CNTN5: variants seen among roughly 807,000 people sequenced by gnomAD.
CNTN5 encodes the protein contactin-5.
In CNTN5, 77 loss-of-function variants were observed where a neutral mutation model predicts 129.1. The ratio of observed to expected loss-of-function variants is 0.60; its 90% confidence interval spans 0.50 to 0.72. The LOEUF is 0.72. Ranked by LOEUF, CNTN5 falls within the 30% of genes least tolerant of loss-of-function variation. The probability of loss-of-function intolerance (pLI) is 0.00; values close to 1 mark genes in which losing one functional copy is unlikely to be tolerated. For missense variants in CNTN5, 1,478 were observed against 1,328.8 expected (o/e 1.11, Z -1.75); for synonymous variants, 509 against 465.6 (o/e 1.09, Z -1.20).
At chr11:99,458,722 T>C (rs1468176589) in intron 2 of CNTN5, among the ~76,000 whole-genome samples, 2 of 151,984 alleles carry the variant, frequency 1.3e-5, no homozygotes, top group African/African-American at 4.8e-5. Flanking sequence ...TATGGAACCA[T>C]ATAGCCTTGG....
At chr11:99,277,034 C>T (rs980736063) in intron 1 of CNTN5, among the ~76,000 whole-genome samples, 5 of 151,450 alleles carry the variant, frequency 3.3e-5, no homozygotes, top group Non-Finnish European at 5.9e-5. Flanking sequence ...CTGTTTAAAC[C>T]GTTATTACTA....
chr11:100,298,000 A>G (rs954525893), intron 19 of CNTN5, among the ~76,000 whole-genome samples: 2 of 151,524 alleles, frequency 1.3e-5, no homozygotes, highest in African/African-American at 2.4e-5. Flanking sequence ...CATTTTATCT[A>G]TCTCATCATA....
chr11:99,951,890 G>T (rs140377828), intron 7 of CNTN5, among the ~76,000 whole-genome samples: 269 of 152,206 alleles, frequency 1.8e-3, no homozygotes, highest in Middle Eastern at 6.8e-3. Context: ...TTAAAATTTA[G>T]GGAGGTTTGT....
At chr11:99,771,024 A>G (rs79007118) in intron 3 of CNTN5, among the ~76,000 whole-genome samples, 187 of 152,264 alleles carry the variant, frequency 1.2e-3, no homozygotes, top group African/African-American at 4.4e-3. Context: ...TGAGAAGGGC[A>G]TGAAGAATAT....
intron 8 of CNTN5, among the ~76,000 whole-genome samples, chr11:99,970,851 G>A (rs1951230917): frequency 2.0e-5 from 3 of 152,098 alleles, no homozygotes; most frequent in Non-Finnish European, 2.9e-5. Flanking sequence ...GAGCTTTATA[G>A]TCCATTACTT....
intron 3 of CNTN5, among the ~76,000 whole-genome samples, chr11:99,640,567 A>T (rs142222452): frequency 6.0e-4 from 92 of 152,322 alleles, no homozygotes; most frequent in African/African-American, 2.1e-3. Context: ...TGAGATTTGA[A>T]TGGGGACACA....
At chr11:99,544,863 GA>G (rs558869612) in intron 2 of CNTN5, among the ~76,000 whole-genome samples, 2 of 152,088 alleles carry the variant, frequency 1.3e-5, no homozygotes, top group African/African-American at 4.8e-5. Flanking sequence ...CTGTGTGGGG[GA>G]AAAAATCAAT....
rs3220443 is a variant in CNTN5 at position 100,342,152 on chromosome 11, G to GAC, written c.3030+977_3030+978dup. Among the ~76,000 whole-genome samples, 911 of 146,986 alleles carry GAC rather than the reference G, an allele frequency of 6.2e-3. 6 individuals are homozygous for GAC. The highest frequency in any genetic ancestry group is 8.6e-3 in the Admixed American group (126 of 14,640). Reference sequence around the variant, plus strand: ...CCTACTGTAATTAGGATAGATCACAGACACACACACACACACACACACACA... The same window carrying GAC: ...CCTACTGTAATTAGGATAGATCACAGACACACACACACACACACACACACACA... On this transcript the variant is annotated intron_variant, in intron 23 of 24. Transcript: ENST00000524871.
intron 7 of CNTN5, among the ~76,000 whole-genome samples, chr11:99,936,845 T>C (rs1469532784): frequency 1.3e-5 from 2 of 152,140 alleles, no homozygotes; most frequent in Non-Finnish European, 2.9e-5. Flanking sequence ...GGCAGGGATA[T>C]GTTATAAGAG....
chr11:99,437,647 A>G (rs1211201918), intron 2 of CNTN5, among the ~76,000 whole-genome samples: 2 of 151,946 alleles, frequency 1.3e-5, no homozygotes, highest in African/African-American at 4.8e-5. Flanking sequence ...GACCAATATG[A>G]TGAAACCCCA....
At chr11:99,640,871 G>A (rs763866184) in intron 3 of CNTN5, among the ~76,000 whole-genome samples, 1 of 152,172 alleles carries the variant, frequency 6.6e-6, no homozygotes, top group Non-Finnish European at 1.5e-5. Context: ...AAGATGCAGT[G>A]TCAGCTATTT....
At chr11:99,359,682 C>T (rs909073856) in intron 2 of CNTN5, among the ~76,000 whole-genome samples, 8 of 151,740 alleles carry the variant, frequency 5.3e-5, no homozygotes, top group Admixed American at 2.6e-4. Flanking sequence ...TCCAAATTCT[C>T]ATCTGAATAT....
In CNTN5 at chr11:99,253,252, G is replaced by A. The variant is rs186527277; in HGVS notation, c.-209-72094G>A. Among the ~76,000 whole-genome samples the A allele has an allele frequency of 3.9e-5, 6 of 152,150 alleles. No homozygotes were observed. The East Asian group carries it at 1.2e-3, about 29-fold the overall frequency. ...TCTTTGCCTGCTGCCGTGTAAGAAT[G>A]ACTTCGCCCCTTATTCACCTCCCAC... On this transcript the variant is annotated intron_variant, in intron 1 of 24. Coordinates refer to ENST00000524871, the MANE Select transcript of CNTN5 (RefSeq NM_014361.4).
intron 2 of CNTN5, among the ~76,000 whole-genome samples, chr11:99,381,722 A>C (rs1321005432): frequency 6.6e-6 from 1 of 152,210 alleles, no homozygotes; most frequent in Non-Finnish European, 1.5e-5. Flanking sequence ...TAGGACTCCT[A>C]TTATTAATGA....
intron 21 of CNTN5, among the ~76,000 whole-genome samples, chr11:100,328,944 C>G (rs902255731): frequency 6.6e-5 from 10 of 152,112 alleles, no homozygotes; most frequent in African/African-American, 2.2e-4. Context: ...TTTGAAGGAA[C>G]TGGATCACCA....
At position 100,324,994 on chromosome 11, in the gene CNTN5, A is replaced by G. The variant is rs187824643; in HGVS notation, c.2731-15469A>G. Among the ~76,000 whole-genome samples the G allele has an allele frequency of 4.5e-4, 68 of 152,258 alleles. 2 individuals carry two copies. In the East Asian group the frequency reaches 5.8e-3, roughly 13 times the overall value. ...ACTGCCAGCATATCTCAAAGTATTG[A>G]TTGTGAATAGCCAATTTAATAACTA... On this transcript the variant is annotated intron_variant, in intron 21 of 24. Transcript: ENST00000524871.
chr11:99,325,611 A>G (rs1865751484), intron 2 of CNTN5, 127 bp downstream of exon 2: 1 of 152,180 alleles, frequency 6.6e-6, no homozygotes, highest in Non-Finnish European at 1.5e-5. Flanking sequence ...TTAATATGTT[A>G]TTTTCTCAAA....
intron 8 of CNTN5, among the ~76,000 whole-genome samples, chr11:99,974,356 G>A (rs532908176): frequency 6.6e-6 from 1 of 152,200 alleles, no homozygotes; most frequent in South Asian, 2.1e-4. Flanking sequence ...GAGAGGTCTC[G>A]AGCTACAGAT....
intron 18 of CNTN5, among the ~76,000 whole-genome samples, chr11:100,286,356 G>C (rs1325239986): frequency 4.6e-5 from 7 of 151,882 alleles, no homozygotes; most frequent in South Asian, 4.2e-4. Context: ...AAATGTCCCT[G>C]TCTGACAGCT....
Sources: gnomAD v4.1 joint callset for allele counts (sites outside exome capture counted in the v4.1 genomes callset) on GRCh38, gnomAD v4.1.1 for gene constraint, MANE v1.5 for transcripts, NCBI Gene and HGNC (gene_info 2026-07-23, HGNC 2026-07-21) for gene names.